RAB3C: variants seen among roughly 807,000 people sequenced by gnomAD.
RAB3C encodes ras-related protein Rab-3C.
In RAB3C, 17 loss-of-function variants were observed where a neutral mutation model predicts 26.4. That is an observed-to-expected ratio of 0.64 (90% confidence interval 0.44 to 0.97). The LOEUF (loss-of-function observed/expected upper bound fraction) is 0.97. Among genes scored for constraint, RAB3C ranks in the 50% least tolerant of loss-of-function variants. RAB3C has a pLI of 0.00. For missense variants in RAB3C, 242 were observed against 281.9 expected (o/e 0.86, Z 1.01); for synonymous variants, 91 against 95.9 (o/e 0.95, Z 0.30).
intron 2 of RAB3C, among the ~76,000 whole-genome samples, chr5:58,672,898 A>G (rs954133912): frequency 2.6e-5 from 4 of 152,208 alleles, no homozygotes; most frequent in African/African-American, 9.6e-5. Context: ...GGAGAAGAAT[A>G]AACTATATAT....
intron 2 of RAB3C, among the ~76,000 whole-genome samples, chr5:58,621,699 C>T (rs1746944050): frequency 3.3e-5 from 5 of 152,154 alleles, no homozygotes; most frequent in Admixed American, 3.3e-4. Context: ...CCTCAGCCTC[C>T]AGAGTAGCTG....
chr5:58,761,654 A>C (rs1326709751), intron 3 of RAB3C, among the ~76,000 whole-genome samples: 1 of 152,058 alleles, frequency 6.6e-6, no homozygotes, highest in Non-Finnish European at 1.5e-5. Context: ...ACATGTACAC[A>C]CTCACTCCAG....
chr5:58,844,460 C>A (rs551393293), intron 4 of RAB3C, among the ~76,000 whole-genome samples: 19 of 152,296 alleles, frequency 1.2e-4, no homozygotes, highest in African/African-American at 4.6e-4. Context: ...GCAAATTGAT[C>A]AAAAGCCTTA....
At chr5:58,725,878 T>C (rs1215393702) in intron 2 of RAB3C, 124 bp from the exon 3 acceptor site, 2 of 521,768 alleles carry the variant, frequency 3.8e-6, no homozygotes, top group Non-Finnish European at 3.4e-6. Flanking sequence ...CCAAAAAAGA[T>C]AGACAGCTAT....
intron 4 of RAB3C, among the ~76,000 whole-genome samples, chr5:58,838,613 A>G (rs1392834303): frequency 6.7e-6 from 1 of 150,018 alleles, no homozygotes; most frequent in Admixed American, 6.7e-5. Context: ...GTTCTAATAT[A>G]TGGTCAATCC....
At chr5:58,797,573 T>C (rs759703355) in intron 3 of RAB3C, among the ~76,000 whole-genome samples, 8 of 151,702 alleles carry the variant, frequency 5.3e-5, no homozygotes, top group Admixed American at 2.0e-4. Context: ...TCCATAGAGA[T>C]AGAGAAGAGT....
chr5:58,594,137 C>T (rs1472832868), intron 1 of RAB3C, among the ~76,000 whole-genome samples: 1 of 152,156 alleles, frequency 6.6e-6, no homozygotes, highest in Non-Finnish European at 1.5e-5. Flanking sequence ...ACTTGCTAGC[C>T]ACCAAGTGGC....
intron 3 of RAB3C, among the ~76,000 whole-genome samples, chr5:58,740,259 T>C (rs1741248434): frequency 6.6e-6 from 1 of 152,214 alleles, no homozygotes; most frequent in Non-Finnish European, 1.5e-5. Context: ...ACCTCACGCC[T>C]GGGCCTGAAT....
chr5:58,749,234 C>G (rs1741468449), intron 3 of RAB3C, among the ~76,000 whole-genome samples: 1 of 152,088 alleles, frequency 6.6e-6, no homozygotes, highest in African/African-American at 2.4e-5. Flanking sequence ...TATAGTCTGC[C>G]CTTCACCATC....
chr5:58,725,452 T>C (rs74963108), intron 2 of RAB3C, among the ~76,000 whole-genome samples: 2 of 151,924 alleles, frequency 1.3e-5, no homozygotes, highest in African/African-American at 4.8e-5. Flanking sequence ...CCTTGCTACC[T>C]CTGATTATTT....
At chr5:58,823,995 A>G (rs3931731) in intron 3 of RAB3C, among the ~76,000 whole-genome samples, 2 of 149,994 alleles carry the variant, frequency 1.3e-5, no homozygotes, top group East Asian at 4.0e-4. Context: ...TTGTCCTTGC[A>G]ATAGTTTACT....
chr5:58,835,039 T>A (rs1411861208), intron 4 of RAB3C, among the ~76,000 whole-genome samples: 1 of 152,162 alleles, frequency 6.6e-6, no homozygotes, highest in African/African-American at 2.4e-5. Flanking sequence ...TAGCATCCCC[T>A]TTCAATCTCA....
rs181515780 is a variant in RAB3C at position 58,787,346 on chromosome 5, T to C, written c.372-37692T>C. On this transcript the variant is annotated intron_variant, in intron 3 of 4. Coordinates refer to ENST00000282878, the MANE Select transcript of RAB3C (RefSeq NM_138453.4). ...GACTACCTCATAAGTTGTAATAAAA[T>C]CCAGTTTTATTAAGAGATTGAGACT... Among the ~76,000 whole-genome samples, 3 of 152,286 alleles carry C rather than the reference T, an allele frequency of 2.0e-5. No individual in the cohort carries two copies. In the East Asian group the frequency reaches 5.8e-4, roughly 29 times the overall value.
At chr5:58,695,881 T>G (rs1057120581) in intron 2 of RAB3C, among the ~76,000 whole-genome samples, 22 of 152,148 alleles carry the variant, frequency 1.4e-4, no homozygotes, top group Admixed American at 1.2e-3. Context: ...GGGACAATTT[T>G]ACTTCCTCAT....
At chr5:58,831,707 G>A (rs1267481274) in intron 4 of RAB3C, among the ~76,000 whole-genome samples, 1 of 152,040 alleles carries the variant, frequency 6.6e-6, no homozygotes, top group East Asian at 1.9e-4. Context: ...GGAATAGCAG[G>A]GATATCAGGA....
chr5:58,826,051 G>A (rs888006048), intron 4 of RAB3C, among the ~76,000 whole-genome samples: 5 of 152,184 alleles, frequency 3.3e-5, no homozygotes, highest in African/African-American at 9.7e-5. Flanking sequence ...CTGCAAGGCA[G>A]ATGCCAACAG....
At chr5:58,688,986 CT>C (rs1273460799) in intron 2 of RAB3C, among the ~76,000 whole-genome samples, 1 of 151,958 alleles carries the variant, frequency 6.6e-6, no homozygotes, top group African/African-American at 2.4e-5. Context: ...ATTTGTTGAC[CT>C]TTTACTCTGT....
At chr5:58,803,002 T>G (rs1397409040) in intron 3 of RAB3C, among the ~76,000 whole-genome samples, 1 of 152,184 alleles carries the variant, frequency 6.6e-6, no homozygotes, top group Non-Finnish European at 1.5e-5. Flanking sequence ...GGGCAAACAC[T>G]TGCCTTTGAG....
intron 2 of RAB3C, among the ~76,000 whole-genome samples, chr5:58,635,664 C>T (rs1747275500): frequency 6.6e-6 from 1 of 152,126 alleles, no homozygotes; most frequent in Admixed American, 6.5e-5. Context: ...TCCTCTAGCC[C>T]CAGAGGCTGT....
Sources: allele counts gnomAD v4.1 joint callset (sites outside exome capture counted in the v4.1 genomes callset), GRCh38; gene constraint gnomAD v4.1.1; transcripts MANE v1.5; gene names NCBI Gene and HGNC (gene_info 2026-07-23, HGNC 2026-07-21).